The following CAGE1 variants were observed in gnomAD, a reference collection of about 807,000 sequenced individuals.
CAGE1 encodes the protein cancer-associated gene 1 protein.
In CAGE1, 66 loss-of-function variants were observed where a neutral mutation model predicts 94.9. The observed-to-expected ratio is 0.70, with a 90% CI of 0.57 to 0.85. The LOEUF is 0.85. Ranked by LOEUF, CAGE1 falls within the 40% of genes least tolerant of loss-of-function variation. The pLI, the probability that CAGE1 is intolerant of heterozygous loss-of-function variation, is 0.00. For synonymous variants in CAGE1, 319 were observed against 321.0 expected (o/e 0.99, Z 0.07); for missense variants, 865 against 950.4 (o/e 0.91, Z 1.18).
At chr6:7,326,929 G>A (rs574921399) in intron 13 of CAGE1, 30 bp from the exon 14 acceptor site, 2 of 1,552,590 alleles carry the variant, frequency 1.3e-6, no homozygotes, top group African/African-American at 2.7e-5. Flanking sequence ...TGTTTCGTAA[G>A]TTTTGGGGAA....
chr6:7,385,940 CA>C (rs1761108067), intron 2 of CAGE1, 68 bp from the exon 3 acceptor site: 1 of 783,486 alleles, frequency 1.3e-6, no homozygotes, highest in Non-Finnish European at 2.0e-6. Flanking sequence ...GGTATTTGCA[CA>C]TTGTTACATA....
In CAGE1 at chr6:7,339,314, C is replaced by G; in HGVS notation, c.2370-5224G>C. 6.3e-7 allele frequency: 1 copy of G among 1,588,484 alleles called. No homozygotes were observed. The highest frequency in any genetic ancestry group is 8.6e-7 in the Non-Finnish European group (1 of 1,157,644). On this transcript the variant is annotated intron_variant, in intron 11 of 13. Transcript: ENST00000502583. This position sits in a 1 kb window ranked among gnomAD's most constrained non-coding sequence, Gnocchi z 4.7. ...TAGTGGCCACCTCTTCAGCATAAAG[C>G]TCTACACTGCCCTCTGGAGAGCCAA...
At chr6:7,332,602 G>T (rs4644114) in intron 12 of CAGE1, among the ~76,000 whole-genome samples, 1 of 152,268 alleles carries the variant, frequency 6.6e-6, no homozygotes, top group Non-Finnish European at 1.5e-5. Context: ...CCAGTCCTCT[G>T]TGTTTCCCAA....
intron 4 of CAGE1, 21 bp from the exon 5 acceptor site, chr6:7,374,152 AG>A: frequency 6.3e-7 from 1 of 1,578,624 alleles, no homozygotes; most frequent in East Asian, 2.3e-5. Context: ...TAGTAAACAA[AG>A]TAAGTGTGAA....
At chr6:7,345,139 TAGGA>T (rs1759398244) in intron 11 of CAGE1, among the ~76,000 whole-genome samples, 1 of 42,058 alleles carries the variant, frequency 2.4e-5, no homozygotes, top group Non-Finnish European at 4.3e-5. Context: ...ATATTGCTTT[TAGGA>T]GCTAGGTCCA....
At chr6:7,359,555 A>G (rs1382991576) in intron 9 of CAGE1, among the ~76,000 whole-genome samples, 1 of 152,204 alleles carries the variant, frequency 6.6e-6, no homozygotes, top group Non-Finnish European at 1.5e-5. Context: ...TCATGTTCAC[A>G]GCAACAGACA....
intron 11 of CAGE1, among the ~76,000 whole-genome samples, chr6:7,337,819 C>T (rs1484361598): frequency 6.6e-6 from 1 of 152,150 alleles, no homozygotes; most frequent in African/African-American, 2.4e-5. Flanking sequence ...TATCAGAGTT[C>T]TTTCAGCTAT....
chr6:7,328,932 A>ATT lies in CAGE1; in HGVS notation c.2478+916_2478+917insAA, dbSNP rs556084338. On this transcript the variant is annotated intron_variant, in intron 13 of 13. Transcript: ENST00000502583. ...TGTGTGTGTGTGTATATATATATAT[A>ATT]TATTTTTTTTTTTTTTTGAGATAGA... Among the ~76,000 whole-genome samples the ATT allele has an allele frequency of 2.4e-4, 25 of 103,586 alleles. 1 individual carries two copies. The highest frequency in any genetic ancestry group is 9.5e-4 in the East Asian group (3 of 3,156). The allele number at this position is 103,586 out of a possible 152,430, so 68.0% of individuals were successfully genotyped here.
rs559163941 is a variant in CAGE1 at position 7,360,684 on chromosome 6, C to T, written c.2194-4555G>A. On this transcript the variant is annotated intron_variant, in intron 9 of 13. Coordinates refer to ENST00000502583, the MANE Select transcript of CAGE1 (RefSeq NM_001170692.2). ...CCTGGCTGGGAGAGATGGCTCACAG[C>T]TGTAATCCCAACACTTTGGGAGGCC... Among the ~76,000 whole-genome samples the T allele has an allele frequency of 5.3e-5, 8 of 152,262 alleles. No homozygotes were observed. In the East Asian group the frequency reaches 1.5e-3, roughly 29 times the overall value.
intron 3 of CAGE1, among the ~76,000 whole-genome samples, chr6:7,382,928 A>G (rs1193634610): frequency 1.3e-5 from 2 of 152,082 alleles, no homozygotes; most frequent in African/African-American, 2.4e-5. Flanking sequence ...AAAGAAAAAG[A>G]AATCTTTTCT....
chr6:7,364,544 C>T (rs2113431157), intron 9 of CAGE1, among the ~76,000 whole-genome samples: 1 of 152,310 alleles, frequency 6.6e-6, no homozygotes, highest in South Asian at 2.1e-4. Flanking sequence ...TCTCAGCTCA[C>T]TGCAACCTCC....
intron 4 of CAGE1, among the ~76,000 whole-genome samples, chr6:7,376,593 T>C (rs985342910): frequency 1.3e-5 from 2 of 152,032 alleles, no homozygotes; most frequent in African/African-American, 4.8e-5. Flanking sequence ...TTATTCATTA[T>C]AAATTGCCCA....
intron 11 of CAGE1, among the ~76,000 whole-genome samples, chr6:7,347,642 C>T (rs891781049): frequency 2.6e-5 from 4 of 152,128 alleles, no homozygotes; most frequent in Non-Finnish European, 5.9e-5. Context: ...TAACCAAAGC[C>T]CTGTTCTTTC....
At chr6:7,372,515 G>A (rs1226157745) in intron 5 of CAGE1, among the ~76,000 whole-genome samples, 1 of 150,224 alleles carries the variant, frequency 6.7e-6, no homozygotes, top group African/African-American at 2.5e-5. Flanking sequence ...TTTGATGACT[G>A]GCAATGAGTA....
At chr6:7,382,543 C>T (rs1042585932) in intron 3 of CAGE1, among the ~76,000 whole-genome samples, 18 of 151,228 alleles carry the variant, frequency 1.2e-4, no homozygotes, top group Non-Finnish European at 2.2e-4. Context: ...CCTCCTGATC[C>T]GCTTGCCTCG....
At chr6:7,340,754 C>T (rs1391400815) in intron 11 of CAGE1, 1 of 290,050 alleles carries the variant, frequency 3.4e-6, no homozygotes, top group Non-Finnish European at 6.7e-6. Context: ...ATTAGGGGGT[C>T]CCTGAGCAAG....
In CAGE1 at chr6:7,373,941, G is replaced by C; in HGVS notation, c.878C>G (p.Ala293Gly). ...CTCTTGAACAGGTTGTAAGCTTTCA[G>C]CACTTTGCTCCCAGTCAGGCATCTC... ...NCEMPDWEQS[A>G]ESLQPVQEDM... The change falls in exon 5 of 14, where the codon GCT becomes GGT. Residue 293 changes from alanine (A) to glycine (G), a missense_variant. Coordinates refer to ENST00000502583, the MANE Select transcript of CAGE1 (RefSeq NM_001170692.2). 2.5e-6 allele frequency: 4 copies of C among 1,613,994 alleles called. No individual in the cohort carries two copies. Among genetic ancestry groups the C allele is most frequent in the Non-Finnish European group, 3.4e-6 (4 of 1,179,900 alleles).
chr6:7,345,074 G>T (rs565343476), intron 11 of CAGE1, among the ~76,000 whole-genome samples: 1 of 151,984 alleles, frequency 6.6e-6, no homozygotes, highest in African/African-American at 2.4e-5. Flanking sequence ...TGAAAGCTTT[G>T]TTCTTTCACC....
At chr6:7,388,516 C>T (rs919039230) in intron 1 of CAGE1, among the ~76,000 whole-genome samples, 1 of 152,162 alleles carries the variant, frequency 6.6e-6, no homozygotes, top group Non-Finnish European at 1.5e-5. Flanking sequence ...TTGAGAGGAG[C>T]ATACTTAGGG....
Sources: gnomAD v4.1 joint callset for allele counts (sites outside exome capture counted in the v4.1 genomes callset) on GRCh38, gnomAD v4.1.1 for gene constraint, Gnocchi (gnomAD v3.1) non-coding constraint, MANE v1.5 for transcripts, NCBI Gene and HGNC (gene_info 2026-07-23, HGNC 2026-07-21) for gene names.